ZC3H12B: variants seen among roughly 807,000 people sequenced by gnomAD.
ZC3H12B encodes zinc finger CCCH-type containing 12B.
ZC3H12B carries 7 observed loss-of-function variants against 43.9 expected under a neutral mutation model. The ratio of observed to expected loss-of-function variants is 0.16; its 90% CI spans 0.09 to 0.30. The LOEUF is 0.30. ZC3H12B is among the 10% of genes least tolerant of loss of function. The pLI is 1.00. For missense variants in ZC3H12B, 475 were observed against 670.2 expected (o/e 0.71, Z 3.22); for synonymous variants, 222 against 241.7 (o/e 0.92, Z 0.76).
At chrX:65,259,173 G>T in the ZC3H12B span, among the ~76,000 whole-genome samples, 2 of 111,680 alleles carry the variant, frequency 1.8e-5, no homozygotes, top group African/African-American at 6.5e-5. Context: ...TTACTACAAG[G>T]CAACAATAAT....
chrX:65,350,534 A>T, the ZC3H12B span, among the ~76,000 whole-genome samples: 126 of 111,953 alleles, frequency 1.1e-3, no homozygotes, highest in African/African-American at 3.7e-3. Flanking sequence ...AGGAAGTCAA[A>T]TTGTCTCTGT....
chrX:65,378,449 C>CA (rs1329415585), intron 2 of ZC3H12B, among the ~76,000 whole-genome samples: 1 of 109,362 alleles, frequency 9.1e-6, no homozygotes, highest in Admixed American at 9.7e-5. Context: ...AACCTCAAAT[C>CA]AAAAAAATAA....
the ZC3H12B span, among the ~76,000 whole-genome samples, chrX:65,343,375 A>G: frequency 8.9e-6 from 1 of 111,888 alleles, no homozygotes; most frequent in African/African-American, 3.2e-5. Flanking sequence ...TACAGCAACA[A>G]CAATAAAAAC....
chrX:65,123,951 C>A, the ZC3H12B span, among the ~76,000 whole-genome samples: 1 of 110,608 alleles, frequency 9.0e-6, no homozygotes, highest in Non-Finnish European at 1.9e-5. Flanking sequence ...GACAGTTTGA[C>A]TTCCTCGTTA....
the ZC3H12B span, among the ~76,000 whole-genome samples, chrX:65,122,208 A>G: frequency 9.0e-6 from 1 of 111,005 alleles, no homozygotes; most frequent in East Asian, 2.9e-4. Context: ...TCTACAAGCT[A>G]GAAGAGAGTG....
chrX:65,271,818 A>G, the ZC3H12B span: 15 of 156,919 alleles, frequency 9.6e-5, no homozygotes, highest in African/African-American at 4.6e-4. Context: ...GCCAGAGTTG[A>G]AAAGGCTAAA....
At chrX:65,257,431 C>T in the ZC3H12B span, among the ~76,000 whole-genome samples, 1 of 110,197 alleles carries the variant, frequency 9.1e-6, no homozygotes, top group African/African-American at 3.3e-5. Context: ...GGGCAGAGAA[C>T]ATCACACTCC....
chrX:65,492,534 A>AT (rs1286439355), intron 1 of ZC3H12B, among the ~76,000 whole-genome samples: 1 of 111,512 alleles, frequency 9.0e-6, no homozygotes, highest in Non-Finnish European at 1.9e-5. Flanking sequence ...AGACCATGTA[A>AT]TTTTTTTTAA....
the ZC3H12B span, among the ~76,000 whole-genome samples, chrX:65,086,695 C>T: frequency 8.9e-6 from 1 of 112,243 alleles, no homozygotes; most frequent in Non-Finnish European, 1.9e-5. Context: ...CAGGAAGTGG[C>T]CATCATCAGG....
intron 2 of ZC3H12B, among the ~76,000 whole-genome samples, chrX:65,371,992 T>C (rs2066251044): frequency 9.0e-6 from 1 of 111,630 alleles, no homozygotes; most frequent in South Asian, 3.7e-4. Context: ...TGTCAATGAG[T>C]GTACTGACTG....
the ZC3H12B span, among the ~76,000 whole-genome samples, chrX:65,315,258 A>T: frequency 1.8e-5 from 2 of 111,742 alleles, no homozygotes; most frequent in Non-Finnish European, 3.8e-5. Flanking sequence ...AAAATAACTG[A>T]TTTTTCTAAA....
intron 3 of ZC3H12B, among the ~76,000 whole-genome samples, chrX:65,458,890 A>G (rs1180076046): frequency 9.0e-6 from 1 of 111,566 alleles, no homozygotes; most frequent in African/African-American, 3.3e-5. Context: ...AGAGACACAA[A>G]AAACCCTTCA....
intron 3 of ZC3H12B, among the ~76,000 whole-genome samples, chrX:65,440,022 A>G (rs757043008): frequency 9.0e-6 from 1 of 111,462 alleles, no homozygotes; most frequent in South Asian, 3.9e-4. Context: ...CTATTTCCCA[A>G]CTTTTTGTTA....
At chrX:65,377,012 G>A (rs1346917758) in intron 2 of ZC3H12B, among the ~76,000 whole-genome samples, 1 of 110,236 alleles carries the variant, frequency 9.1e-6, no homozygotes, top group African/African-American at 3.3e-5. Flanking sequence ...AGAAATTCAA[G>A]ATATCACAGA....
At chrX:65,212,019 AAT>A in the ZC3H12B span, among the ~76,000 whole-genome samples, 6 of 66,120 alleles carry the variant, frequency 9.1e-5, no homozygotes, top group East Asian at 5.0e-4. Flanking sequence ...TATAATATAT[AAT>A]ATATATGTTA....
At chrX:65,168,908 CATCT>C in the ZC3H12B span, among the ~76,000 whole-genome samples, 1 of 111,092 alleles carries the variant, frequency 9.0e-6, no homozygotes. Flanking sequence ...TTTTTTATTG[CATCT>C]ATTTGATTCT....
chrX:65,219,705 T>G, the ZC3H12B span, among the ~76,000 whole-genome samples: 1 of 110,331 alleles, frequency 9.1e-6, no homozygotes, highest in Non-Finnish European at 1.9e-5. Context: ...AGAAAATAAG[T>G]GTAAAAGTTT....
chrX:65,458,085 TAAA>T (rs59738258), intron 3 of ZC3H12B, among the ~76,000 whole-genome samples: 3 of 49,065 alleles, frequency 6.1e-5, no homozygotes, highest in South Asian at 8.7e-4. Context: ...AAAAAAAAAT[TAAA>T]AAAAAAAAAA....
At chrX:65,164,699 T>C in the ZC3H12B span, among the ~76,000 whole-genome samples, 1 of 111,924 alleles carries the variant, frequency 8.9e-6, no homozygotes, top group Non-Finnish European at 1.9e-5. Context: ...TCTTTTACTG[T>C]CATAATTTTT....
Sources: gnomAD v4.1 joint callset for allele counts (sites outside exome capture counted in the v4.1 genomes callset) on GRCh38, gnomAD v4.1.1 for gene constraint, MANE v1.5 for transcripts, NCBI Gene and HGNC (gene_info 2026-07-23, HGNC 2026-07-21) for gene names.